Variants in NTRK3 observed in about 807,000 individuals in gnomAD.
The protein encoded by NTRK3 is neurotrophic receptor tyrosine kinase 3, also known as NT-3 growth factor receptor.
Under a neutral mutation model 91.7 loss-of-function variants are expected in NTRK3, and 24 were observed. That is an observed-to-expected ratio of 0.26 (90% CI 0.19 to 0.37). The LOEUF (loss-of-function observed/expected upper bound fraction) is 0.37. Among genes scored for constraint, NTRK3 ranks in the 10% least tolerant of loss-of-function variants. The pLI is 1.00. For missense variants in NTRK3, 880 were observed against 1,068.9 expected (o/e 0.82, Z 2.46); for synonymous variants, 483 against 404.0 (o/e 1.20, Z -2.34).
rs955548793 is a variant in NTRK3, at chr15:88,149,399, C to G, written c.396-1996G>C. On this transcript the variant is annotated intron_variant, in intron 5 of 18. Transcript: ENST00000394480. Reference sequence around the variant, plus strand: ...TCTGCTGTCTTCCCTGTACCCAGTACCCTCTCTGTTCAGAGTTTTTAAGCC... The same window carrying G: ...TCTGCTGTCTTCCCTGTACCCAGTAGCCTCTCTGTTCAGAGTTTTTAAGCC... Among the ~76,000 whole-genome samples the G allele has an allele frequency of 2.0e-5, 3 of 152,290 alleles. No homozygotes were observed. The East Asian group carries it at 5.8e-4, about 29-fold the overall frequency.
chr15:88,110,822 C>T (rs1489018487), intron 13 of NTRK3, among the ~76,000 whole-genome samples: 1 of 152,114 alleles, frequency 6.6e-6, no homozygotes, highest in African/African-American at 2.4e-5. Flanking sequence ...GAGTCTACTA[C>T]AGAACCCAAT....
chr15:88,254,296 C>A (rs971476273), intron 3 of NTRK3, among the ~76,000 whole-genome samples: 2 of 152,186 alleles, frequency 1.3e-5, no homozygotes, highest in Non-Finnish European at 2.9e-5. Flanking sequence ...TCCCTGCATC[C>A]TTGGGAATGC....
rs1316513277 is a variant in NTRK3, at chr15:88,049,451, A to T, written c.1397-16406T>A. On this transcript the variant is annotated intron_variant, in intron 13 of 18. Transcript: ENST00000394480. ...GAATTTAAAATTCATGTAATTTTAA[A>T]GTGTCCACTTCAGAATGGTGTGTGT... 2.0e-5 allele frequency among the ~76,000 whole-genome samples: 3 copies of T among 152,228 alleles called. No homozygotes were observed. The East Asian group carries it at 5.8e-4, about 29-fold the overall frequency.
chr15:87,862,809 G>T, exon 19 of NTRK3: 1 of 229,856 alleles, frequency 4.4e-6, no homozygotes, highest in Non-Finnish European at 8.6e-6. Flanking sequence ...AGCACTCAGG[G>T]TTGAAGGGTG....
At chr15:88,181,014 C>A (rs1250836544) in intron 5 of NTRK3, among the ~76,000 whole-genome samples, 2 of 152,210 alleles carry the variant, frequency 1.3e-5, no homozygotes, top group Non-Finnish European at 1.5e-5. Flanking sequence ...GGGCATCCCA[C>A]TGTGCCTATG....
At chr15:87,877,604 G>A (rs542355834) in intron 18 of NTRK3, among the ~76,000 whole-genome samples, 22 of 151,368 alleles carry the variant, frequency 1.5e-4, no homozygotes, top group African/African-American at 5.1e-4. Flanking sequence ...TTCCTGGCAG[G>A]CTCCCAGTTG....
At chr15:88,035,686 G>A (rs1345048176) in intron 13 of NTRK3, among the ~76,000 whole-genome samples, 1 of 152,122 alleles carries the variant, frequency 6.6e-6, no homozygotes, top group African/African-American at 2.4e-5. Context: ...CTTCAGCAAA[G>A]CTCCGGCATG....
intron 17 of NTRK3, among the ~76,000 whole-genome samples, chr15:87,912,636 C>T (rs779896102): frequency 2.0e-5 from 3 of 151,962 alleles, no homozygotes; most frequent in Non-Finnish European, 2.9e-5. Flanking sequence ...CTCTCTCTCT[C>T]TCTGGCTGGC....
chr15:88,019,745 G>A (rs1043198476), intron 14 of NTRK3, among the ~76,000 whole-genome samples: 1 of 152,170 alleles, frequency 6.6e-6, no homozygotes, highest in Non-Finnish European at 1.5e-5. Context: ...ATACAGAAAG[G>A]CAGAGGCAGG....
At chr15:88,150,937 G>A (rs548793390) in intron 5 of NTRK3, among the ~76,000 whole-genome samples, 16 of 152,050 alleles carry the variant, frequency 1.1e-4, no homozygotes, top group Admixed American at 1.0e-3. Context: ...CCTTCTAGCT[G>A]GGGCCTCACC....
intron 3 of NTRK3, among the ~76,000 whole-genome samples, chr15:88,218,366 A>G (rs1422240800): frequency 6.6e-6 from 1 of 152,162 alleles, no homozygotes; most frequent in East Asian, 1.9e-4. Context: ...TGGGATGTCA[A>G]CCTTGCCTCT....
Position 88,062,515 on chromosome 15 carries a change from G to A in NTRK3, c.1397-29470C>T, listed in dbSNP as rs1363457037. Among the ~76,000 whole-genome samples the A allele has an allele frequency of 1.3e-5, 2 of 152,092 alleles. 1 individual carries two copies. Among genetic ancestry groups the A allele is most frequent in the African/African-American group, 4.8e-5 (2 of 41,420 alleles). On this transcript the variant is annotated intron_variant, in intron 13 of 18. Coordinates refer to ENST00000394480, the Ensembl canonical transcript of NTRK3. The stretch of plus-strand genomic sequence containing the variant: ...CCTATCTCTGCCCTCCTTCCCTCCT[G>A]CACATGAAATGCTGATGCAATGGCT...
intron 17 of NTRK3, among the ~76,000 whole-genome samples, chr15:87,918,235 A>G (rs1357881743): frequency 6.6e-6 from 1 of 152,152 alleles, no homozygotes; most frequent in Non-Finnish European, 1.5e-5. Flanking sequence ...TCTATCCCAC[A>G]TGCCACTGCC....
chr15:88,109,336 G>A (rs780560390), intron 13 of NTRK3, among the ~76,000 whole-genome samples: 1 of 152,132 alleles, frequency 6.6e-6, no homozygotes, highest in South Asian at 2.1e-4. Flanking sequence ...AGGGGACAGC[G>A]TCCTCACCCC....
intron 14 of NTRK3, among the ~76,000 whole-genome samples, chr15:88,001,354 T>C (rs978895762): frequency 6.6e-6 from 1 of 152,162 alleles, no homozygotes; most frequent in African/African-American, 2.4e-5. Context: ...AAGTCTGATA[T>C]ATATATTTTT....
chr15:88,011,237 G>T (rs2076859122), intron 14 of NTRK3, among the ~76,000 whole-genome samples: 1 of 152,062 alleles, frequency 6.6e-6, no homozygotes, highest in African/African-American at 2.4e-5. Context: ...CCCTCCACCA[G>T]GTCAGCCTCT....
At chr15:88,168,627 G>A (rs575099011) in intron 5 of NTRK3, among the ~76,000 whole-genome samples, 1 of 152,338 alleles carries the variant, frequency 6.6e-6, no homozygotes, top group East Asian at 1.9e-4. Context: ...GCACAGGGAG[G>A]GGAGCCCCAC....
chr15:88,098,001 T>G (rs927856015), intron 13 of NTRK3, among the ~76,000 whole-genome samples: 2 of 152,246 alleles, frequency 1.3e-5, no homozygotes, highest in Admixed American at 6.5e-5. Context: ...AAGTGTGTAC[T>G]TTTTGCAAAG....
At chr15:88,152,741 T>C (rs2151364790) in intron 5 of NTRK3, among the ~76,000 whole-genome samples, 1 of 152,320 alleles carries the variant, frequency 6.6e-6, no homozygotes, top group Middle Eastern at 3.4e-3. Context: ...CCTGAAAGCC[T>C]CCAAGTCATG....
Sources: allele counts gnomAD v4.1 joint callset (sites outside exome capture counted in the v4.1 genomes callset), GRCh38; gene constraint gnomAD v4.1.1; transcripts MANE v1.5; gene names NCBI Gene and HGNC (gene_info 2026-07-23, HGNC 2026-07-21).